Variants in ULK4 observed in about 807,000 individuals in gnomAD.
ULK4 encodes inactive serine/threonine-protein kinase ULK4.
ULK4 carries 133 observed loss-of-function variants against 160.6 expected under a neutral mutation model. That is an observed-to-expected ratio of 0.83 (90% CI 0.72 to 0.96). The LOEUF is 0.96. ULK4 is among the 40% of genes least tolerant of loss of function. The probability of loss-of-function intolerance (pLI) is 0.00; values close to 1 mark genes in which losing one functional copy is unlikely to be tolerated. For missense variants in ULK4, 1,580 were observed against 1,499.5 expected, an observed-to-expected ratio of 1.05 and a Z score of -0.89; for synonymous variants, 534 against 539.8, an observed-to-expected ratio of 0.99 and a Z score of 0.15.
intron 35 of ULK4, among the ~76,000 whole-genome samples, chr3:41,275,579 A>C (rs2079215343): frequency 6.6e-6 from 1 of 152,130 alleles, no homozygotes; most frequent in Non-Finnish European, 1.5e-5. Flanking sequence ...AAGAAAGATT[A>C]GAATCTGGCT....
At chr3:41,289,259 C>T (rs2079515442) in intron 35 of ULK4, among the ~76,000 whole-genome samples, 1 of 152,172 alleles carries the variant, frequency 6.6e-6, no homozygotes, top group Admixed American at 6.5e-5. Context: ...GTGTACTGTA[C>T]ATTTTTAAAT....
At position 41,398,192 on chromosome 3, in the gene ULK4, C is replaced by T. The variant is rs757766437; in HGVS notation, c.3565G>A (p.Gly1189Arg). Reference sequence around the variant, plus strand: ...GGAGAGAGGCTGTCCGGGTTTTCCCCTCCATACAGCTGAACCAGTATAGAC... The same window carrying T: ...GGAGAGAGGCTGTCCGGGTTTTCCCTTCCATACAGCTGAACCAGTATAGAC... ...CLSILVQLYG[G>R]ENPDSLSPEN... The change falls in exon 35 of 37, where the codon GGG becomes AGG. Residue 1189 changes from glycine to arginine, a missense_variant. Transcript: ENST00000301831. The T allele has an allele frequency of 6.2e-7, 1 of 1,613,444 alleles. No homozygotes were observed. Among genetic ancestry groups the T allele is most frequent in the South Asian group, 1.1e-5 (1 of 91,048 alleles).
At chr3:41,451,183 T>C (rs940811526) in intron 34 of ULK4, among the ~76,000 whole-genome samples, 4 of 151,982 alleles carry the variant, frequency 2.6e-5, no homozygotes, top group Non-Finnish European at 5.9e-5. Flanking sequence ...CCCTGTGCTT[T>C]TACATATGTA....
chr3:41,787,547 G>A (rs1559553069), intron 21 of ULK4, among the ~76,000 whole-genome samples: 1 of 152,042 alleles, frequency 6.6e-6, no homozygotes, highest in African/African-American at 2.4e-5. Context: ...GTGTCAGAGG[G>A]GACTCTAAAA....
At chr3:41,643,635 T>A (rs926210343) in intron 30 of ULK4, among the ~76,000 whole-genome samples, 20 of 152,148 alleles carry the variant, frequency 1.3e-4, no homozygotes, top group East Asian at 3.9e-4. Flanking sequence ...TGATGCCTCC[T>A]GCTTTGTTCT....
At position 41,931,470 on chromosome 3, in the gene ULK4, T is replaced by TAAATAAAA. The variant is rs55969147; in HGVS notation, c.541+373_541+374insTTTTATTT. The stretch of plus-strand genomic sequence containing the variant: ...TGTTCTGCACATGTACCCTAGAACT[T>TAAATAAAA]AAAAAAAAAAAAAAAAAAGAAAGAA... On this transcript the variant is annotated intron_variant, in intron 5 of 36. Coordinates refer to ENST00000301831, the MANE Select transcript of ULK4 (RefSeq NM_017886.4). 2.0e-4 allele frequency among the ~76,000 whole-genome samples: 26 copies of TAAATAAAA among 126,984 alleles called. 2 individuals carry two copies. The highest frequency in any genetic ancestry group is 7.3e-4 in the Admixed American group (9 of 12,364). 83.3% of individuals were successfully genotyped at this position (126,984 alleles called of 152,430 possible).
intron 32 of ULK4, among the ~76,000 whole-genome samples, chr3:41,494,263 G>C (rs1180459456): frequency 9.2e-6 from 1 of 108,444 alleles, no homozygotes; most frequent in African/African-American, 3.3e-5. Context: ...TGGGATGCAA[G>C]GCTGGTTCAA....
intron 17 of ULK4, among the ~76,000 whole-genome samples, chr3:41,881,056 A>G (rs1316506610): frequency 6.6e-6 from 1 of 152,204 alleles, no homozygotes; most frequent in Non-Finnish European, 1.5e-5. Context: ...GTTACTGATT[A>G]TTGAAAAATT....
intron 30 of ULK4, among the ~76,000 whole-genome samples, chr3:41,653,451 G>T (rs184279404): frequency 1.2e-4 from 19 of 152,018 alleles, no homozygotes; most frequent in Non-Finnish European, 2.6e-4. Flanking sequence ...TTTTAGTAAC[G>T]AACTATTTTT....
intron 35 of ULK4, among the ~76,000 whole-genome samples, chr3:41,390,371 T>C (rs955631602): frequency 6.6e-6 from 1 of 152,214 alleles, no homozygotes; most frequent in Non-Finnish European, 1.5e-5. Context: ...TTTCCTTCAG[T>C]TCTGCTCTGA....
chr3:41,704,726 T>C (rs749096916), intron 27 of ULK4, among the ~76,000 whole-genome samples: 1 of 152,078 alleles, frequency 6.6e-6, no homozygotes, highest in Non-Finnish European at 1.5e-5. Flanking sequence ...TAACAAAGAA[T>C]TGTCCATCCC....
chr3:41,942,295 T>C (rs1699983435), intron 2 of ULK4, among the ~76,000 whole-genome samples: 2 of 151,684 alleles, frequency 1.3e-5, no homozygotes, highest in Admixed American at 6.6e-5. Flanking sequence ...AAGGTGGGCG[T>C]ATGACTTGAG....
chr3:41,316,223 C>T (rs1206687488), intron 35 of ULK4, among the ~76,000 whole-genome samples: 3 of 152,250 alleles, frequency 2.0e-5, no homozygotes, highest in South Asian at 2.1e-4. Flanking sequence ...GAGGCACCGA[C>T]GCATGCTACA....
rs933649245 is a variant in ULK4, at chr3:41,941,833, G to A, written c.139-3636C>T. 5.3e-5 allele frequency among the ~76,000 whole-genome samples: 8 copies of A among 150,308 alleles called. No individual in the cohort carries two copies. In the Admixed American group the frequency reaches 5.3e-4, roughly 10 times the overall value. On this transcript the variant is annotated intron_variant, in intron 2 of 36. Coordinates refer to ENST00000301831, the MANE Select transcript of ULK4 (RefSeq NM_017886.4). ...ACCAAAGAATAAGGAAGACCACCTG[G>A]TGACCATGTTTAAGGACTCCCACTG...
chr3:41,844,389 A>G (rs993144788), intron 17 of ULK4, among the ~76,000 whole-genome samples: 1 of 150,090 alleles, frequency 6.7e-6, no homozygotes, highest in Non-Finnish European at 1.5e-5. Flanking sequence ...GACCCAGCAC[A>G]CCCTCCGCAG....
chr3:41,348,964 G>A (rs1188158977), intron 35 of ULK4, among the ~76,000 whole-genome samples: 1 of 152,080 alleles, frequency 6.6e-6, no homozygotes, highest in Non-Finnish European at 1.5e-5. Context: ...AGAGACCCAA[G>A]GAACCAAAGC....
intron 4 of ULK4, 137 bp from the exon 5 acceptor site, chr3:41,932,143 ATTT>A: frequency 1.4e-6 from 1 of 725,342 alleles, no homozygotes. Flanking sequence ...AATGCTTATA[ATTT>A]TTTTAAAAGC....
At chr3:41,635,747 G>T (rs1256258052) in intron 30 of ULK4, among the ~76,000 whole-genome samples, 1 of 152,124 alleles carries the variant, frequency 6.6e-6, no homozygotes, top group East Asian at 1.9e-4. Context: ...GAAGCAATTT[G>T]CTCACAGTCA....
chr3:41,649,157 A>C (rs1328225994), intron 30 of ULK4, among the ~76,000 whole-genome samples: 6 of 151,788 alleles, frequency 4.0e-5, no homozygotes, highest in Non-Finnish European at 8.8e-5. Context: ...CCAGAAGAAA[A>C]TCTCCTTCAC....
Sources: gnomAD v4.1 joint callset for allele counts (sites outside exome capture counted in the v4.1 genomes callset) on GRCh38, gnomAD v4.1.1 for gene constraint, MANE v1.5 for transcripts, NCBI Gene and HGNC (gene_info 2026-07-23, HGNC 2026-07-21) for gene names.